Variants in TMEM65 observed in about 807,000 individuals in gnomAD.
TMEM65 encodes transmembrane protein 65.
Under a neutral mutation model 25.4 loss-of-function variants are expected in TMEM65, and 22 were observed. The ratio of observed to expected loss-of-function variants is 0.86; its 90% CI spans 0.62 to 1.23. The LOEUF (loss-of-function observed/expected upper bound fraction) is 1.23, where lower values mean the gene tolerates loss of function less well. Among genes scored for constraint, TMEM65 ranks in the 50% most tolerant of loss-of-function variants. The probability of loss-of-function intolerance (pLI) is 0.00; values close to 1 mark genes in which losing one functional copy is unlikely to be tolerated. For synonymous variants in TMEM65, 132 were observed against 126.2 expected (o/e 1.05, Z -0.31); for missense variants, 262 against 308.2 (o/e 0.85, Z 1.12).
chr8:124,348,342 G>A (rs1297282241), intron 1 of TMEM65, among the ~76,000 whole-genome samples: 1 of 151,600 alleles, frequency 6.6e-6, no homozygotes, highest in East Asian at 1.9e-4. Flanking sequence ...TATAACTTGT[G>A]TGCTTCAACA....
At position 124,372,166 on chromosome 8, in the gene TMEM65, G is replaced by A. The variant is rs747780174; in HGVS notation, c.-9C>T. ...GGCAGCAGCCGGGACATGGCGAGCT[G>A]AGGAGCTGGGACCCCCGCGGCCGTC... On this transcript the variant is annotated 5_prime_UTR_variant, in exon 1 of 7. Transcript: ENST00000297632. The A allele has an allele frequency of 1.8e-5, 23 of 1,291,048 alleles. No homozygotes were observed. Among genetic ancestry groups the A allele is most frequent in the Non-Finnish European group, 2.2e-5 (22 of 1,015,998 alleles). 80.0% of individuals were successfully genotyped at this position (1,291,048 alleles called of 1,614,324 possible). A position where few individuals can be genotyped will look rare whatever the true frequency, so the allele number is the denominator to read the frequency against.
chr8:124,338,933 G>A (rs572253039), intron 1 of TMEM65, among the ~76,000 whole-genome samples: 1 of 152,078 alleles, frequency 6.6e-6, no homozygotes, highest in Non-Finnish European at 1.5e-5. Context: ...GCTCACGCCT[G>A]TAATCCCAGC....
rs1037592202 is a variant in TMEM65 at position 124,309,925 on chromosome 8, T to C, written c.*4035A>G. On this transcript the variant is annotated 3_prime_UTR_variant, in exon 7 of 7. Transcript: ENST00000297632. ...AAAATTAGGCTCGGTGGCACGTGCCTGTAATCCCAGCTACTCAGGAGGTCA... is the reference window on the plus strand; with the variant it reads ...AAAATTAGGCTCGGTGGCACGTGCCCGTAATCCCAGCTACTCAGGAGGTCA... The C allele has an allele frequency of 1.3e-5, 2 of 151,744 alleles. No homozygotes were observed. Among genetic ancestry groups the C allele is most frequent in the African/African-American group, 4.8e-5 (2 of 41,264 alleles). 9.4% of individuals were successfully genotyped at this position (151,744 alleles called of 1,614,324 possible).
At chr8:124,344,069 G>A (rs1814615572) in intron 1 of TMEM65, among the ~76,000 whole-genome samples, 1 of 152,162 alleles carries the variant, frequency 6.6e-6, no homozygotes, top group South Asian at 2.1e-4. Context: ...GGCCTCTAAT[G>A]TACAAAGCAT....
chr8:124,330,817 G>A, intron 1 of TMEM65, 25 bp from the exon 2 acceptor site: 1 of 1,572,048 alleles, frequency 6.4e-7, no homozygotes, highest in Non-Finnish European at 8.6e-7. Context: ...AAGGATGTGG[G>A]GCAAGAATTA....
intron 1 of TMEM65, among the ~76,000 whole-genome samples, chr8:124,344,326 A>C (rs548708332): frequency 1.1e-3 from 160 of 152,344 alleles, no homozygotes; most frequent in African/African-American, 3.8e-3. Context: ...ATCACTCTAA[A>C]TAGGCATTTT....
intron 1 of TMEM65, among the ~76,000 whole-genome samples, chr8:124,340,361 G>A (rs2131212296): frequency 6.6e-6 from 1 of 152,184 alleles, no homozygotes; most frequent in East Asian, 1.9e-4. Flanking sequence ...GTATAAGAAT[G>A]CTATCTATTT....
chr8:124,328,879 T>C (rs761285083), intron 2 of TMEM65, among the ~76,000 whole-genome samples: 6 of 152,118 alleles, frequency 3.9e-5, no homozygotes, highest in Non-Finnish European at 7.4e-5. Flanking sequence ...TATTACTATA[T>C]TGAGCTCTGC....
chr8:124,367,737 A>C (rs1004226799), intron 1 of TMEM65, among the ~76,000 whole-genome samples: 1 of 152,212 alleles, frequency 6.6e-6, no homozygotes, highest in East Asian at 1.9e-4. Flanking sequence ...ACCTTAAACA[A>C]TCACAAAAAA....
chr8:124,357,986 C>A (rs544740458), intron 1 of TMEM65, among the ~76,000 whole-genome samples: 1 of 151,834 alleles, frequency 6.6e-6, no homozygotes, highest in South Asian at 2.1e-4. Context: ...CCTGCCACCA[C>A]GCCCAGCTAG....
At chr8:124,355,561 T>C (rs1438693219) in intron 1 of TMEM65, among the ~76,000 whole-genome samples, 3 of 152,194 alleles carry the variant, frequency 2.0e-5, no homozygotes, top group Admixed American at 2.0e-4. Flanking sequence ...ACAATTTGCA[T>C]TTCAATAAGA....
At chr8:124,355,180 T>C (rs1011320321) in intron 1 of TMEM65, among the ~76,000 whole-genome samples, 51 of 152,160 alleles carry the variant, frequency 3.4e-4, no homozygotes, top group African/African-American at 1.2e-3. Flanking sequence ...GATTGTTGCA[T>C]AGCTACAAAA....
At position 124,314,067 on chromosome 8, in the gene TMEM65, G is replaced by A. The variant is rs1230392661; in HGVS notation, c.622-6C>T. On this transcript the variant is annotated splice_region_variant and splice_polypyrimidine_tract_variant and intron_variant, in intron 6 of 6. Transcript: ENST00000297632. ...GTCACCCCAACAGCTTTGCCCTAAG[G>A]AAACAAAAGAGAACATTTTTAAAGT... is the stretch of plus-strand genomic sequence containing the variant. 1.9e-6 allele frequency: 3 copies of A among 1,605,246 alleles called. No homozygotes were observed. Among genetic ancestry groups the A allele is most frequent in the South Asian group, 2.2e-5 (2 of 90,436 alleles).
At chr8:124,365,340 A>G (rs1275818176) in intron 1 of TMEM65, among the ~76,000 whole-genome samples, 1 of 152,188 alleles carries the variant, frequency 6.6e-6, no homozygotes, top group African/African-American at 2.4e-5. Context: ...CAATTACCCA[A>G]AAGTTTATTT....
At chr8:124,327,062 TTTTC>T (rs1479893734) in intron 3 of TMEM65, among the ~76,000 whole-genome samples, 2 of 152,060 alleles carry the variant, frequency 1.3e-5, no homozygotes, top group South Asian at 2.1e-4. Flanking sequence ...TACATATTAT[TTTTC>T]TTTATTAAGA....
intron 6 of TMEM65, among the ~76,000 whole-genome samples, chr8:124,315,403 G>A (rs1430102486): frequency 6.6e-6 from 1 of 151,474 alleles, no homozygotes; most frequent in Admixed American, 6.6e-5. Flanking sequence ...CTCACTGCAA[G>A]CTCCGTCTCC....
At chr8:124,350,501 ACAC>A (rs1434938922) in intron 1 of TMEM65, among the ~76,000 whole-genome samples, 92 of 143,544 alleles carry the variant, frequency 6.4e-4, no homozygotes, top group African/African-American at 2.2e-3. Context: ...ACACACACAC[ACAC>A]TTCTACCATC....
chr8:124,314,120 G>A, intron 6 of TMEM65, 59 bp from the exon 7 acceptor site: 2 of 1,396,680 alleles, frequency 1.4e-6, no homozygotes, highest in Admixed American at 1.8e-5. Context: ...CAAGAAGGCA[G>A]AGAAAAAATC....
chr8:124,339,222 AATATATAT>A (rs1209068044), intron 1 of TMEM65, among the ~76,000 whole-genome samples: 12 of 19,904 alleles, frequency 6.0e-4, no homozygotes, highest in African/African-American at 1.1e-3. Context: ...AAAAAAAAAA[AATATATAT>A]ATATATATAT....
Sources: gnomAD v4.1 joint callset for allele counts (sites outside exome capture counted in the v4.1 genomes callset) on GRCh38, gnomAD v4.1.1 for gene constraint, MANE v1.5 for transcripts, NCBI Gene and HGNC (gene_info 2026-07-23, HGNC 2026-07-21) for gene names.